The following PCDHGA9 variants were observed in gnomAD, a reference collection of about 807,000 sequenced individuals.
PCDHGA9 encodes protocadherin gamma subfamily A, 9.
A neutral mutation model predicts 62.5 loss-of-function variants in PCDHGA9; 37 were observed. The ratio of observed to expected loss-of-function variants is 0.59; its 90% CI spans 0.46 to 0.78. The LOEUF (loss-of-function observed/expected upper bound fraction) is 0.78. PCDHGA9 is among the 30% of genes least tolerant of loss of function. The probability of loss-of-function intolerance (pLI) is 0.00; values close to 1 mark genes in which losing one functional copy is unlikely to be tolerated. For missense variants in PCDHGA9, 1,138 were observed against 1,166.2 expected (o/e 0.98, Z 0.35); for synonymous variants, 459 against 484.6 (o/e 0.95, Z 0.69).
Position 141,476,091 on chromosome 5 carries a change from G to T in PCDHGA9, c.2425-18716G>T, listed in dbSNP as rs1470774975. The T allele has an allele frequency of 1.3e-6, 2 of 1,563,074 alleles. No homozygotes were observed. Among genetic ancestry groups the T allele is most frequent in the Non-Finnish European group, 1.7e-6 (2 of 1,159,286 alleles). On this transcript the variant is annotated intron_variant, in intron 1 of 3. Coordinates refer to ENST00000573521, the MANE Select transcript of PCDHGA9 (RefSeq NM_018921.3). This position sits in a 1 kb window ranked among gnomAD's most constrained non-coding sequence, Gnocchi z 7.6. ...AAATCTCAGGGACGATCTGGACCCC[G>T]CTGAGAGGAACTGCTTTTGAGTGAG...
intron 3 of PCDHGA9, among the ~76,000 whole-genome samples, chr5:141,510,518 GC>G (rs2099881500): frequency 6.6e-6 from 1 of 152,112 alleles, no homozygotes; most frequent in Non-Finnish European, 1.5e-5. Context: ...CCGTGTCACA[GC>G]CCTGAGAGAA....
chr5:141,432,090 A>T lies in PCDHGA9; in HGVS notation c.2424+26714A>T. 1 of 1,614,164 alleles carries T rather than the reference A, an allele frequency of 6.2e-7. No homozygotes were observed. Among genetic ancestry groups the T allele is most frequent in the Non-Finnish European group, 8.5e-7 (1 of 1,180,034 alleles). On this transcript the variant is annotated intron_variant, in intron 1 of 3. Transcript: ENST00000573521. The surrounding 1 kb of genome is among the most constrained non-coding windows in gnomAD (Gnocchi z 6.0). ...ACTCATATCTCGCTGAACGTGGCAG[A>T]CACCAACGACAACCCGCCGGTCTTC... is the stretch of plus-strand genomic sequence containing the variant.
At chr5:141,500,256 T>C (rs1045685908) in intron 2 of PCDHGA9, among the ~76,000 whole-genome samples, 1 of 151,676 alleles carries the variant, frequency 6.6e-6, no homozygotes, top group Non-Finnish European at 1.5e-5. Flanking sequence ...TCACCCAGGC[T>C]GGACTGCAGT....
chr5:141,405,376 G>A lies in PCDHGA9; in HGVS notation c.2424G>A (p.Pro808=), dbSNP rs567557596. The change falls in exon 1 of 4, where the codon CCG becomes CCA. Residue 808 remains proline, a splice_region_variant and synonymous_variant. Coordinates refer to ENST00000573521, the MANE Select transcript of PCDHGA9 (RefSeq NM_018921.3). ...KFPIEDTPLV[P]QAPPNTDWRF... is the part of the protein sequence containing the mutation. The stretch of plus-strand genomic sequence containing the variant: ...CTATAGAAGACACCCCTTTGGTTCC[G>A]GTGAGTTCATTTTTTTTCTTTCTTT... The A allele has an allele frequency of 4.3e-4, 696 of 1,602,156 alleles. 3 individuals carry two copies. In the South Asian group the frequency reaches 6.8e-3, roughly 16 times the overall value.
rs200790843 is a variant in PCDHGA9 at position 141,432,196 on chromosome 5, C to A, written c.2424+26820C>A. ...TCGTCTCTGTGACCGCCCACGACCCCGACTGTGAAGAGAACGCCCAGATCA... is the reference window on the plus strand; with the variant it reads ...TCGTCTCTGTGACCGCCCACGACCCAGACTGTGAAGAGAACGCCCAGATCA... On this transcript the variant is annotated intron_variant, in intron 1 of 3. Coordinates refer to ENST00000573521, the MANE Select transcript of PCDHGA9 (RefSeq NM_018921.3). This position sits in a 1 kb window ranked among gnomAD's most constrained non-coding sequence, Gnocchi z 6.0. The A allele has an allele frequency of 6.2e-7, 1 of 1,614,192 alleles. No homozygotes were observed.
chr5:141,409,552 A>G, intron 1 of PCDHGA9: 8 of 1,613,962 alleles, frequency 5.0e-6, no homozygotes, highest in Non-Finnish European at 6.8e-6. Flanking sequence ...ACAACGCCCC[A>G]GTTTTCGACC....
chr5:141,431,474 G>T lies in PCDHGA9; in HGVS notation c.2424+26098G>T, dbSNP rs747313827. 3.7e-6 allele frequency: 6 copies of T among 1,613,842 alleles called. No homozygotes were observed. The South Asian group carries it at 6.6e-5, about 18-fold the overall frequency. ...GATGGTTCTGGATGCGAACGACAAC[G>T]CACCAGCGTTTGCTCAGCCCGAGTA... is the stretch of plus-strand genomic sequence containing the variant. On this transcript the variant is annotated intron_variant, in intron 1 of 3. Transcript: ENST00000573521. The surrounding 1 kb of genome is among the most constrained non-coding windows in gnomAD (Gnocchi z 4.8).
intron 1 of PCDHGA9, chr5:141,422,116 T>G (rs753281558): frequency 1.2e-6 from 2 of 1,604,612 alleles, no homozygotes; most frequent in African/African-American, 1.3e-5. Flanking sequence ...CCAATTGGAT[T>G]CACAAACTGG....
chr5:141,421,047 C>G, intron 1 of PCDHGA9: 1 of 552,794 alleles, frequency 1.8e-6, no homozygotes, highest in Middle Eastern at 4.8e-4. Flanking sequence ...CCTCCCCCGC[C>G]TCTACCACAC....
rs1561869085 is a variant in PCDHGA9, at chr5:141,433,357, GCCTA to G, written c.2424+27982_2424+27985del. On this transcript the variant is annotated intron_variant, in intron 1 of 3. Transcript: ENST00000573521. ...TACAGGTGCAAGCCACCTACTGTCT[GCCTA>G]TCTATCTATCTATCTATCTATCTAT... is the stretch of plus-strand genomic sequence containing the variant. 3 of 568,974 alleles carry G rather than the reference GCCTA, an allele frequency of 5.3e-6. No homozygotes were observed. In the African/African-American group the frequency reaches 6.4e-5, roughly 12 times the overall value. The allele number at this position is 568,974 out of a possible 1,614,324, so 35.2% of individuals were successfully genotyped here.
At chr5:141,409,519 C>T in intron 1 of PCDHGA9, 1 of 1,614,040 alleles carries the variant, frequency 6.2e-7, no homozygotes, top group Non-Finnish European at 8.5e-7. Context: ...GAAGCATCAC[C>T]TTGTATGTCG....
In PCDHGA9 at chr5:141,451,935, A is replaced by G. The variant is rs148815534; in HGVS notation, c.2425-42872A>G. Among the ~76,000 whole-genome samples, 120 of 152,282 alleles carry G rather than the reference A, an allele frequency of 7.9e-4. 5 individuals carry two copies. The East Asian group carries it at 0.017, about 21-fold the overall frequency. ...GAGGAAGGAAGGGAGGTAGGGAGGC[A>G]GGGAAAGACCGAGAAAGTGACATAC... On this transcript the variant is annotated intron_variant, in intron 1 of 3. Coordinates refer to ENST00000573521, the MANE Select transcript of PCDHGA9 (RefSeq NM_018921.3).
At position 141,404,823 on chromosome 5, in the gene PCDHGA9, G is replaced by A. The variant is rs1283913930; in HGVS notation, c.1871G>A (p.Gly624Asp). ...CTCTTCTCGGTGGGGCTGCACACAGGTGAAGTGCGCACAGCTCGGGCCCTG... is the reference window on the plus strand; with the variant it reads ...CTCTTCTCGGTGGGGCTGCACACAGATGAAGTGCGCACAGCTCGGGCCCTG... ...PGLFSVGLHT[G>D]EVRTARALLD... is the part of the protein sequence containing the mutation. The change falls in exon 1 of 4, where the codon GGT (glycine) becomes GAT (aspartate). Residue 624 changes from glycine to aspartate, a missense_variant. Physicochemically the swap from Gly to Asp is moderately conservative, Grantham distance 94. Coordinates refer to ENST00000573521, the MANE Select transcript of PCDHGA9 (RefSeq NM_018921.3). 1 of 1,610,946 alleles carries A rather than the reference G, an allele frequency of 6.2e-7. No individual in the cohort carries two copies.
chr5:141,481,895 A>G (rs1285005477), intron 1 of PCDHGA9, among the ~76,000 whole-genome samples: 2 of 147,522 alleles, frequency 1.4e-5, no homozygotes, highest in Non-Finnish European at 3.0e-5. Context: ...GCCTGGGTGA[A>G]AGAGCGAAAC....
intron 1 of PCDHGA9, among the ~76,000 whole-genome samples, chr5:141,450,783 G>A (rs2879228): frequency 0.25 from 37,099 of 150,510 alleles, 4,810 homozygotes; most frequent in Admixed American, 0.32. Flanking sequence ...CACCGTGCCC[G>A]GACCTCATGA....
rs771106873 is a variant in PCDHGA9, at chr5:141,426,860, A to C, written c.2424+21484A>C. 5 of 456,702 alleles carry C rather than the reference A, an allele frequency of 1.1e-5. No individual in the cohort carries two copies. In the Admixed American group the frequency reaches 1.2e-4, roughly 11 times the overall value. The allele number at this position is 456,702 out of a possible 1,614,324, so 28.3% of individuals were successfully genotyped here. A position where few individuals can be genotyped will look rare whatever the true frequency, so the allele number is the denominator to read the frequency against. On this transcript the variant is annotated intron_variant, in intron 1 of 3. Transcript: ENST00000573521. ...CTAAAGGCAAGAACGCTCCAGAATT[A>C]GTGCTGGAGAAGCCCCTGGGCCAGG...
chr5:141,477,874 T>G lies in PCDHGA9; in HGVS notation c.2425-16933T>G. On this transcript the variant is annotated intron_variant, in intron 1 of 3. Coordinates refer to ENST00000573521, the MANE Select transcript of PCDHGA9 (RefSeq NM_018921.3). This position sits in a 1 kb window ranked among gnomAD's most constrained non-coding sequence, Gnocchi z 4.9. ...AGATGCTGCCTCGAGGTACCTCAGC[T>G]GGCCACCTAGTGTCACGGGTGGTAG... 1 of 1,614,176 alleles carries G rather than the reference T, an allele frequency of 6.2e-7. No individual in the cohort carries two copies. The highest frequency in any genetic ancestry group is 8.5e-7 in the Non-Finnish European group (1 of 1,180,028).
In PCDHGA9 at chr5:141,490,007, C is replaced by T. The variant is rs766407642; in HGVS notation, c.2425-4800C>T. On this transcript the variant is annotated intron_variant, in intron 1 of 3. Coordinates refer to ENST00000573521, the MANE Select transcript of PCDHGA9 (RefSeq NM_018921.3). The surrounding 1 kb of genome is among the most constrained non-coding windows in gnomAD (Gnocchi z 5.4). ...CGTGTGGGAATCCCAGAGAATGCACCCATTGGTACTCTGCTGCTCCGCCTC... is the reference window on the plus strand; with the variant it reads ...CGTGTGGGAATCCCAGAGAATGCACTCATTGGTACTCTGCTGCTCCGCCTC... 6.2e-7 allele frequency: 1 copy of T among 1,614,200 alleles called. No homozygotes were observed. The highest frequency in any genetic ancestry group is 8.5e-7 in the Non-Finnish European group (1 of 1,180,016).
intron 1 of PCDHGA9, chr5:141,418,548 T>C: frequency 6.2e-7 from 1 of 1,613,964 alleles, no homozygotes; most frequent in Non-Finnish European, 8.5e-7. Flanking sequence ...CAGATAAGAA[T>C]CCTGGTAATA....
Sources: gnomAD v4.1 joint callset for allele counts (sites outside exome capture counted in the v4.1 genomes callset) on GRCh38, gnomAD v4.1.1 for gene constraint, Gnocchi (gnomAD v3.1) non-coding constraint, MANE v1.5 for transcripts, NCBI Gene and HGNC (gene_info 2026-07-23, HGNC 2026-07-21) for gene names.